Variants in NIBAN2 observed in about 807,000 individuals in gnomAD.
NIBAN2 encodes the protein niban apoptosis regulator 2, also known as protein Niban 2.
A neutral mutation model predicts 81.8 loss-of-function variants in NIBAN2; 36 were observed. That is an observed-to-expected ratio of 0.44 (90% confidence interval 0.34 to 0.58). The LOEUF is 0.58. Among genes scored for constraint, NIBAN2 ranks in the 20% least tolerant of loss-of-function variants. The probability of loss-of-function intolerance (pLI) is 0.02; values close to 1 mark genes in which losing one functional copy is unlikely to be tolerated. For synonymous variants in NIBAN2, 445 were observed against 441.6 expected (o/e 1.01, Z -0.10); for missense variants, 897 against 1,014.1 (o/e 0.88, Z 1.57).
intron 2 of NIBAN2, among the ~76,000 whole-genome samples, chr9:127,527,823 G>A (rs1295283863): frequency 1.3e-5 from 2 of 152,216 alleles, no homozygotes; most frequent in South Asian, 2.1e-4. Context: ...TCCCCTCAGG[G>A]CAATGATAAC....
chr9:127,549,515 T>C (rs1588179154), intron 1 of NIBAN2, among the ~76,000 whole-genome samples: 1 of 152,088 alleles, frequency 6.6e-6, no homozygotes, highest in African/African-American at 2.4e-5. Context: ...CTCACACACA[T>C]ACGCACACTT....
chr9:127,541,106 G>C (rs2246653), intron 1 of NIBAN2, among the ~76,000 whole-genome samples: 109,026 of 152,084 alleles, frequency 0.72, 40,520 homozygotes, highest in Middle Eastern at 0.83. Context: ...CTCCATTCTC[G>C]CAGGTCTCAG....
chr9:127,512,124 C>A (rs1836748555), intron 8 of NIBAN2, among the ~76,000 whole-genome samples: 1 of 152,182 alleles, frequency 6.6e-6, no homozygotes, highest in Non-Finnish European at 1.5e-5. Context: ...GAGATTAATG[C>A]ATATCTGCTT....
At chr9:127,520,030 C>T (rs888572855) in intron 5 of NIBAN2, among the ~76,000 whole-genome samples, 2 of 152,138 alleles carry the variant, frequency 1.3e-5, no homozygotes, top group Non-Finnish European at 2.9e-5. Flanking sequence ...GGAGGGAGGC[C>T]AGCCAGCCTT....
intron 1 of NIBAN2, among the ~76,000 whole-genome samples, chr9:127,578,127 G>T (rs962919207): frequency 6.6e-6 from 1 of 150,894 alleles, no homozygotes; most frequent in African/African-American, 2.4e-5. Context: ...GGAGGCGGAG[G>T]TTGCAGTGAG....
chr9:127,512,700 C>T (rs541943141), intron 8 of NIBAN2, among the ~76,000 whole-genome samples: 90 of 152,260 alleles, frequency 5.9e-4, no homozygotes, highest in African/African-American at 2.0e-3. Context: ...GTCACGAGTG[C>T]GTGTCCCCAA....
At chr9:127,515,613 G>C (rs993937010) in intron 8 of NIBAN2, among the ~76,000 whole-genome samples, 3 of 151,880 alleles carry the variant, frequency 2.0e-5, no homozygotes, top group Non-Finnish European at 4.4e-5. Context: ...GAGGCAGGTG[G>C]ATCACTTGAG....
intron 1 of NIBAN2, among the ~76,000 whole-genome samples, chr9:127,534,413 A>C (rs1837237147): frequency 6.6e-6 from 1 of 152,202 alleles, no homozygotes; most frequent in Non-Finnish European, 1.5e-5. Flanking sequence ...AGGGAGGTTA[A>C]GTCACTGGCA....
At chr9:127,555,459 G>A (rs898897953) in intron 1 of NIBAN2, among the ~76,000 whole-genome samples, 9 of 152,198 alleles carry the variant, frequency 5.9e-5, no homozygotes, top group Non-Finnish European at 8.8e-5. Context: ...CTAAAACCCC[G>A]AAGCCAGCCC....
chr9:127,572,366 G>A (rs979833491), upstream of NIBAN2, among the ~76,000 whole-genome samples: 7 of 152,094 alleles, frequency 4.6e-5, no homozygotes, highest in African/African-American at 1.7e-4. Context: ...GCTATTCTAG[G>A]TATTGGGGAT....
rs1564318772 is a variant in NIBAN2 at position 127,559,374 on chromosome 9, C to G, written c.55+9446G>C. Among the ~76,000 whole-genome samples the G allele has an allele frequency of 1.3e-5, 2 of 152,192 alleles. No individual in the cohort carries two copies. Among genetic ancestry groups the G allele is most frequent in the African/African-American group, 4.8e-5 (2 of 41,456 alleles). On this transcript the variant is annotated intron_variant, in intron 1 of 13. Transcript: ENST00000373312. This position sits in a 1 kb window ranked among gnomAD's most constrained non-coding sequence, Gnocchi z 4.0. ...GGGGTCACAGCTGGAAGTGCATGCCCGTTGCACAGATAGGCAAAGTGAGGA... is the reference window on the plus strand; with the variant it reads ...GGGGTCACAGCTGGAAGTGCATGCCGGTTGCACAGATAGGCAAAGTGAGGA...
intron 1 of NIBAN2, among the ~76,000 whole-genome samples, chr9:127,544,012 T>C (rs1032971088): frequency 2.6e-5 from 4 of 151,942 alleles, no homozygotes; most frequent in Admixed American, 6.6e-5. Flanking sequence ...AGAAGTTAAG[T>C]GACTTTCCCG....
chr9:127,539,237 T>C (rs945043126), intron 1 of NIBAN2, among the ~76,000 whole-genome samples: 2 of 151,714 alleles, frequency 1.3e-5, no homozygotes, highest in Non-Finnish European at 2.9e-5. Flanking sequence ...TTGGACCTTG[T>C]CTCCCACCAA....
rs1275376752 is a variant in NIBAN2 at position 127,563,676 on chromosome 9, C to G, written c.55+5144G>C. On this transcript the variant is annotated intron_variant, in intron 1 of 13. Transcript: ENST00000373312. The surrounding 1 kb of genome is among the most constrained non-coding windows in gnomAD (Gnocchi z 4.1). ...TAGCTGGGACTACAGGCACGCACCA[C>G]CAGGCCCGGCTAATTTTTTAGTAGA... Among the ~76,000 whole-genome samples the G allele has an allele frequency of 6.6e-6, 1 of 152,162 alleles. No homozygotes were observed. Among genetic ancestry groups the G allele is most frequent in the Non-Finnish European group, 1.5e-5 (1 of 68,018 alleles).
intron 1 of NIBAN2, among the ~76,000 whole-genome samples, chr9:127,564,286 C>G (rs563032493): frequency 1.8e-4 from 26 of 142,324 alleles, no homozygotes; most frequent in Non-Finnish European, 3.2e-4. Context: ...AAATGAGACT[C>G]TGTATCAAAA....
chr9:127,523,188 AAAAAATATATATATATATATAT>A (rs1836981622), intron 5 of NIBAN2, among the ~76,000 whole-genome samples: 2 of 29,372 alleles, frequency 6.8e-5, no homozygotes, highest in African/African-American at 1.6e-4. Context: ...AAAAAAAAAA[AAAAAATATATATATATATATAT>A]ATATATATAT....
rs1202649890 is a variant in NIBAN2, at chr9:127,536,355, G to C, written c.56-4577C>G. On this transcript the variant is annotated intron_variant, in intron 1 of 13. Transcript: ENST00000373312. This position sits in a 1 kb window ranked among gnomAD's most constrained non-coding sequence, Gnocchi z 4.0. ...CCCAGGCGAGCACTGCAGCCCTGGT[G>C]GGGGCTCAGCCAGAGGACCCAGCCT... is the stretch of plus-strand genomic sequence containing the variant. Among the ~76,000 whole-genome samples, 1 of 152,166 alleles carries C rather than the reference G, an allele frequency of 6.6e-6. No homozygotes were observed. The highest frequency in any genetic ancestry group is 2.4e-5 in the African/African-American group (1 of 41,440).
intron 1 of NIBAN2, among the ~76,000 whole-genome samples, chr9:127,537,891 G>T (rs748761683): frequency 7.2e-5 from 11 of 152,302 alleles, no homozygotes; most frequent in Non-Finnish European, 1.3e-4. Context: ...TGGGGTCCCG[G>T]TTCCCTTCTT....
chr9:127,512,582 G>A (rs1483071963), intron 8 of NIBAN2, among the ~76,000 whole-genome samples: 2 of 152,076 alleles, frequency 1.3e-5, no homozygotes, highest in East Asian at 1.9e-4. Context: ...TGCTGTGCCC[G>A]GCCCATTTTA....
Sources: gnomAD v4.1 joint callset for allele counts (sites outside exome capture counted in the v4.1 genomes callset) on GRCh38, gnomAD v4.1.1 for gene constraint, Gnocchi (gnomAD v3.1) non-coding constraint, MANE v1.5 for transcripts, NCBI Gene and HGNC (gene_info 2026-07-23, HGNC 2026-07-21) for gene names.